CSMD1: variants seen among roughly 807,000 people sequenced by gnomAD.
The protein encoded by CSMD1 is CUB and sushi domain-containing protein 1.
CSMD1 carries 213 observed loss-of-function variants against 417.5 expected under a neutral mutation model. The ratio of observed to expected loss-of-function variants is 0.51; its 90% CI spans 0.46 to 0.57. The LOEUF is 0.57. Ranked by LOEUF, CSMD1 falls within the 20% of genes least tolerant of loss-of-function variation. The pLI, the probability that CSMD1 is intolerant of heterozygous loss-of-function variation, is 0.00. For missense variants in CSMD1, 6,923 were observed against 4,529.7 expected (o/e 1.53, Z -15.17); for synonymous variants, 2,862 against 1,736.8 (o/e 1.65, Z -16.11).
At chr8:3,565,814 A>G (rs35795165) in intron 10 of CSMD1, among the ~76,000 whole-genome samples, 34 of 151,246 alleles carry the variant, frequency 2.2e-4, no homozygotes, top group Non-Finnish European at 5.9e-5. Flanking sequence ...TCTCTCAAAT[A>G]TATTGTTTTT....
intron 9 of CSMD1, among the ~76,000 whole-genome samples, chr8:3,579,786 T>C (rs907824724): frequency 2.0e-5 from 3 of 152,154 alleles, no homozygotes; most frequent in Non-Finnish European, 2.9e-5. Context: ...AAGAAGACAA[T>C]AAAGCATTTA....
intron 3 of CSMD1, among the ~76,000 whole-genome samples, chr8:4,263,728 G>T (rs113664972): frequency 6.6e-6 from 1 of 152,114 alleles, no homozygotes; most frequent in African/African-American, 2.4e-5. Flanking sequence ...ATAATAAAAT[G>T]CTGGATTTTT....
intron 37 of CSMD1, among the ~76,000 whole-genome samples, chr8:3,179,158 GAC>G (rs1821141518): frequency 6.6e-6 from 1 of 151,172 alleles, no homozygotes; most frequent in Non-Finnish European, 1.5e-5. Flanking sequence ...TGTTAGCCAG[GAC>G]TGTCTCGATC....
At chr8:3,353,563 G>C (rs753197327) in intron 21 of CSMD1, among the ~76,000 whole-genome samples, 2 of 152,172 alleles carry the variant, frequency 1.3e-5, no homozygotes, top group African/African-American at 2.4e-5. Context: ...GCAGTATCCC[G>C]TAGGACGTAA....
intron 18 of CSMD1, among the ~76,000 whole-genome samples, chr8:3,370,248 C>G (rs1460900220): frequency 1.3e-5 from 2 of 152,190 alleles, no homozygotes; most frequent in East Asian, 3.9e-4. Context: ...ATCTTAAGAC[C>G]TCTCAAGCTA....
At chr8:4,657,244 T>G (rs902672457) in intron 1 of CSMD1, among the ~76,000 whole-genome samples, 1 of 152,110 alleles carries the variant, frequency 6.6e-6, no homozygotes, top group Admixed American at 6.5e-5. Flanking sequence ...GTAGTTTCAG[T>G]GCAAACAAGA....
At chr8:4,534,799 G>C (rs769536875) in intron 2 of CSMD1, among the ~76,000 whole-genome samples, 1 of 151,966 alleles carries the variant, frequency 6.6e-6, no homozygotes, top group African/African-American at 2.4e-5. Context: ...GTCTTGCTCC[G>C]TTGCCCAGGC....
intron 1 of CSMD1, among the ~76,000 whole-genome samples, chr8:4,916,259 G>A (rs1017313324): frequency 1.3e-5 from 2 of 149,128 alleles, no homozygotes; most frequent in Admixed American, 6.6e-5. Flanking sequence ...ACACTACGAT[G>A]ACAAGAACAC....
In CSMD1 at chr8:4,453,314, C is replaced by G. The variant is rs114438458; in HGVS notation, c.303-33249G>C. On this transcript the variant is annotated intron_variant, in intron 2 of 69. Transcript: ENST00000635120. ...ACTCCCACTGGCAATCAACTGTCCC[C>G]AAGAATTCAGACTCCCACTGGGAAC... Among the ~76,000 whole-genome samples the G allele has an allele frequency of 2.9e-3, 435 of 152,164 alleles. 3 individuals are homozygous for G. Among genetic ancestry groups the G allele is most frequent in the African/African-American group, 9.9e-3 (409 of 41,504 alleles).
At chr8:3,077,863 A>G (rs11997077) in intron 49 of CSMD1, among the ~76,000 whole-genome samples, 71,749 of 152,086 alleles carry the variant, frequency 0.47, 18,051 homozygotes, top group African/African-American at 0.66. Context: ...CACACAGGGC[A>G]TTTCACTGTC....
intron 2 of CSMD1, among the ~76,000 whole-genome samples, chr8:4,448,162 G>C (rs1022668758): frequency 6.6e-6 from 1 of 152,096 alleles, no homozygotes; most frequent in Non-Finnish European, 1.5e-5. Flanking sequence ...TCACCTCAAG[G>C]TGAACATGTA....
In CSMD1 at chr8:3,710,692, C is replaced by A. The variant is rs139232132; in HGVS notation, c.932-2201G>T. ...CTGAAACCATGTGTTAGCCTCTTTG[C>A]AGCGACACTGTGCAGTATTTTTCAC... On this transcript the variant is annotated intron_variant, in intron 6 of 69. Coordinates refer to ENST00000635120, the MANE Select transcript of CSMD1 (RefSeq NM_033225.6). 3.3e-5 allele frequency among the ~76,000 whole-genome samples: 5 copies of A among 152,274 alleles called. No homozygotes were observed. In the South Asian group the frequency reaches 8.3e-4, roughly 25 times the overall value.
At chr8:3,940,380 G>C (rs1026821982) in intron 5 of CSMD1, among the ~76,000 whole-genome samples, 2 of 151,866 alleles carry the variant, frequency 1.3e-5, no homozygotes, top group Non-Finnish European at 2.9e-5. Context: ...ATGTTATTTT[G>C]AAAATTATAT....
intron 3 of CSMD1, among the ~76,000 whole-genome samples, chr8:4,156,573 A>T (rs1033524537): frequency 2.6e-5 from 4 of 152,190 alleles, no homozygotes; most frequent in Admixed American, 1.3e-4. Context: ...TTCTATCCAC[A>T]TACCCAAAAG....
At chr8:3,923,023 G>C (rs1440830114) in intron 5 of CSMD1, among the ~76,000 whole-genome samples, 1 of 152,136 alleles carries the variant, frequency 6.6e-6, no homozygotes, top group Admixed American at 6.6e-5. Flanking sequence ...GTTAGTTATT[G>C]AAAAACAACA....
chr8:4,705,630 G>A (rs540737009), intron 1 of CSMD1, among the ~76,000 whole-genome samples: 2 of 152,194 alleles, frequency 1.3e-5, no homozygotes, highest in African/African-American at 2.4e-5. Flanking sequence ...CTGATACTGC[G>A]GCATGAACGA....
At chr8:3,700,936 C>T (rs762998092) in intron 7 of CSMD1, among the ~76,000 whole-genome samples, 13 of 151,738 alleles carry the variant, frequency 8.6e-5, no homozygotes, top group Non-Finnish European at 1.5e-4. Flanking sequence ...CAGGGTGGGA[C>T]TTTGTCAGGG....
chr8:3,523,601 G>A (rs917155024), intron 10 of CSMD1, among the ~76,000 whole-genome samples: 9 of 151,006 alleles, frequency 6.0e-5, no homozygotes, highest in African/African-American at 1.5e-4. Context: ...ATGCACACAT[G>A]TGCATGTACA....
intron 1 of CSMD1, among the ~76,000 whole-genome samples, chr8:4,933,532 G>GA (rs1807396648): frequency 6.6e-6 from 1 of 152,196 alleles, no homozygotes. Context: ...AAGACAGAGA[G>GA]AAAAATACTT....
Sources: gnomAD v4.1 joint callset for allele counts (sites outside exome capture counted in the v4.1 genomes callset) on GRCh38, gnomAD v4.1.1 for gene constraint, MANE v1.5 for transcripts, NCBI Gene and HGNC (gene_info 2026-07-23, HGNC 2026-07-21) for gene names.